Variants in OVCA2 observed in about 807,000 individuals in gnomAD.
OVCA2 encodes OVCA2 serine hydrolase domain containing, also known as esterase OVCA2.
A neutral mutation model predicts 10.1 loss-of-function variants in OVCA2; 14 were observed. That is an observed-to-expected ratio of 1.39 (90% CI 0.92 to 2.17). OVCA2 has a LOEUF of 2.17. OVCA2 is among the 30% of genes most tolerant of loss of function. OVCA2 has a pLI of 0.00. For synonymous variants in OVCA2, 201 were observed against 134.1 expected, an observed-to-expected ratio of 1.50 and a Z score of -3.45; for missense variants, 376 against 300.5, an observed-to-expected ratio of 1.25 and a Z score of -1.86.
At chr17:2,042,414 CCTTCACCGTCTT>C in intron 1 of OVCA2, 179 bp from the exon 2 acceptor site, 1 of 1,249,536 alleles carries the variant, frequency 8.0e-7, no homozygotes, top group East Asian at 2.9e-5. Flanking sequence ...CAGGCTTCCG[CCTTCACCGTCTT>C]CCTCCGCTGT....
chr17:2,042,194 C>G lies in OVCA2; in HGVS notation c.147C>G (p.Pro49=). The G allele has an allele frequency of 9.0e-6, 13 of 1,437,302 alleles. No homozygotes were observed. The highest frequency in any genetic ancestry group is 1.2e-5 in the Non-Finnish European group (13 of 1,102,536). 89.0% of individuals were successfully genotyped at this position (1,437,302 alleles called of 1,614,324 possible). A position where few individuals can be genotyped will look rare whatever the true frequency, so the allele number is the denominator to read the frequency against. The change falls in exon 1 of 2, where the codon CCC becomes CCG. Residue 49 remains proline (P), a synonymous_variant. Transcript: ENST00000572195. The part of the protein sequence containing the change: ...LVCLSGPHPV[P]DPPGPEGARS... ...GCCTCAGCGGCCCGCACCCGGTCCC[C>G]GACCCCCCGGGCCCCGAGGGCGCCA...
rs978591100 is a variant in OVCA2 at position 2,042,147 on chromosome 17, CG to C, written c.104del (p.Gly35ValfsTer72). The C allele has an allele frequency of 2.0e-6, 3 of 1,521,606 alleles. No individual in the cohort carries two copies. The highest frequency in any genetic ancestry group is 2.6e-6 in the Non-Finnish European group (3 of 1,144,692). The allele number at this position is 1,521,606 out of a possible 1,614,324, so 94.3% of individuals were successfully genotyped here. A position where few individuals can be genotyped will look rare whatever the true frequency, so the allele number is the denominator to read the frequency against. On this transcript the variant is annotated frameshift_variant, in exon 1 of 2. Transcript: ENST00000572195. LOFTEE classifies it high-confidence loss of function. ...EKTGALRKAL[R>X]GRAELVCLSG... Reference sequence around the variant, plus strand: ...GACCGGGGCGCTGAGGAAGGCGCTGCGGGGTCGCGCCGAGCTCGTGTGCCTC... The same window carrying C: ...GACCGGGGCGCTGAGGAAGGCGCTGCGGGTCGCGCCGAGCTCGTGTGCCTC...
At position 2,042,251 on chromosome 17, in the gene OVCA2, G is replaced by A; in HGVS notation, c.184+20G>A. The A allele has an allele frequency of 7.1e-7, 1 of 1,410,596 alleles. No homozygotes were observed. Among genetic ancestry groups the A allele is most frequent in the South Asian group, 1.5e-5 (1 of 66,356 alleles). The allele number at this position is 1,410,596 out of a possible 1,614,324, so 87.4% of individuals were successfully genotyped here. ...ACTTCGGTGAGACAAGCCCCGCTCC[G>A]GAAACGCACTCAGTTTCCTCCATCT... On this transcript the variant is annotated intron_variant, in intron 1 of 1. Coordinates refer to ENST00000572195, the MANE Select transcript of OVCA2 (RefSeq NM_080822.3).
intron 1 of OVCA2, 132 bp downstream of exon 1, chr17:2,042,363 G>A: frequency 1.5e-6 from 2 of 1,326,462 alleles, no homozygotes; most frequent in Non-Finnish European, 2.0e-6. Context: ...TTCATTTCTC[G>A]CGACCCATAC....
rs140891546 is a variant in OVCA2 at position 2,042,962 on chromosome 17, T to G, written c.542T>G (p.Val181Gly). Residue 181 changes from valine to glycine, a missense_variant, in exon 2 of 2, where the codon GTC becomes GGC. Coordinates refer to ENST00000572195, the MANE Select transcript of OVCA2 (RefSeq NM_080822.3). ...SLHVFGDTDK[V>G]IPSQESVQLA... ...CATGTTTTTGGGGACACTGACAAAG[T>G]CATCCCCTCTCAGGAGAGTGTGCAA... The G allele has an allele frequency of 3.4e-4, 554 of 1,614,042 alleles. 1 individual carries two copies. The highest frequency in any genetic ancestry group is 3.7e-4 in the Non-Finnish European group (431 of 1,180,042).
At chr17:2,042,268 C>T (rs760808865) in intron 1 of OVCA2, 37 bp downstream of exon 1, 27 of 1,404,744 alleles carry the variant, frequency 1.9e-5, no homozygotes, top group Middle Eastern at 3.7e-4. Flanking sequence ...CACTCAGTTT[C>T]CTCCATCTTG....
intron 1 of OVCA2, 69 bp from the exon 2 acceptor site, chr17:2,042,536 T>G: frequency 6.8e-7 from 1 of 1,479,676 alleles, no homozygotes; most frequent in Non-Finnish European, 9.0e-7. Flanking sequence ...CCTCCTGCCC[T>G]TTCTCATTTC....
chr17:2,043,152 G>A lies in OVCA2; in HGVS notation c.*48G>A, dbSNP rs369046809. ...CCTACATCCAGCTCCTCTAGGGGCA[G>A]CCTCCGTCATCCATGCCCTCCCAGG... is the stretch of plus-strand genomic sequence containing the variant. On this transcript the variant is annotated 3_prime_UTR_variant, in exon 2 of 2. Transcript: ENST00000572195. The A allele has an allele frequency of 1.9e-5, 30 of 1,580,202 alleles. No individual in the cohort carries two copies. Among genetic ancestry groups the A allele is most frequent in the Non-Finnish European group, 2.6e-5 (30 of 1,163,034 alleles).
chr17:2,042,109 G>T lies in OVCA2; in HGVS notation c.62G>T (p.Gly21Val), dbSNP rs764443632. The stretch of plus-strand genomic sequence containing the variant: ...GCGGGCTTCCGGCAGAGCGAGCGGG[G>T]CTTCCGTGAGAAGACCGGGGCGCTG... ...CLAGFRQSER[G>V]FREKTGALRK... The change falls in exon 1 of 2, where the codon GGC (glycine) becomes GTC (valine). Residue 21 changes from glycine to valine, a missense_variant. Coordinates refer to ENST00000572195, the MANE Select transcript of OVCA2 (RefSeq NM_080822.3). 3 of 1,568,708 alleles carry T rather than the reference G, an allele frequency of 1.9e-6. No individual in the cohort carries two copies. The highest frequency in any genetic ancestry group is 1.8e-5 in the Admixed American group (1 of 56,050).
chr17:2,042,230 C>G lies in OVCA2; in HGVS notation c.183C>G (p.Phe61Leu). The change falls in exon 1 of 2, where the codon TTC becomes TTG. Residue 61 changes from phenylalanine (F) to leucine (L), a missense_variant and splice_region_variant. Coordinates refer to ENST00000572195, the MANE Select transcript of OVCA2 (RefSeq NM_080822.3). ...PPGPEGARSD[F>L]GSCPPEEQPR... ...GCCCCGAGGGCGCCAGATCAGACTT[C>G]GGTGAGACAAGCCCCGCTCCGGAAA... The G allele has an allele frequency of 7.0e-7, 1 of 1,422,558 alleles. No individual in the cohort carries two copies. The highest frequency in any genetic ancestry group is 2.8e-5 in the East Asian group (1 of 36,334). The allele number at this position is 1,422,558 out of a possible 1,614,324, so 88.1% of individuals were successfully genotyped here. A position where few individuals can be genotyped will look rare whatever the true frequency, so the allele number is the denominator to read the frequency against.
Position 2,042,171 on chromosome 17 carries a change from C to G in OVCA2, c.124C>G (p.Leu42Val). ...GCGGGGTCGCGCCGAGCTCGTGTGC[C>G]TCAGCGGCCCGCACCCGGTCCCCGA... Reference protein sequence around the residue: ...ALRGRAELVCLSGPHPVPDPP... With the variant: ...ALRGRAELVCVSGPHPVPDPP... The change falls in exon 1 of 2, where the codon CTC becomes GTC. Residue 42 changes from leucine (L) to valine (V), a missense_variant. Leu to Val is a conservative substitution (Grantham distance 32). Coordinates refer to ENST00000572195, the MANE Select transcript of OVCA2 (RefSeq NM_080822.3). 1 of 1,462,574 alleles carries G rather than the reference C, an allele frequency of 6.8e-7. No homozygotes were observed. The highest frequency in any genetic ancestry group is 9.0e-7 in the Non-Finnish European group (1 of 1,114,812). 90.6% of individuals were successfully genotyped at this position (1,462,574 alleles called of 1,614,324 possible).
Position 2,042,154 on chromosome 17 carries a change from G to A in OVCA2, c.107G>A (p.Arg36His), listed in dbSNP as rs2067545897. The A allele has an allele frequency of 2.0e-6, 3 of 1,507,698 alleles. No homozygotes were observed. The highest frequency in any genetic ancestry group is 2.6e-5 in the East Asian group (1 of 38,732). The allele number at this position is 1,507,698 out of a possible 1,614,324, so 93.4% of individuals were successfully genotyped here. A position where few individuals can be genotyped will look rare whatever the true frequency, so the allele number is the denominator to read the frequency against. The change falls in exon 1 of 2, where the codon CGC becomes CAC. Residue 36 changes from arginine (R) to histidine (H), a missense_variant. Arg to His is a conservative substitution (Grantham distance 29). Transcript: ENST00000572195. ...GCGCTGAGGAAGGCGCTGCGGGGTC[G>A]CGCCGAGCTCGTGTGCCTCAGCGGC... ...TGALRKALRG[R>H]AELVCLSGPH... is the part of the protein sequence containing the mutation.
rs777925571 is a variant in OVCA2 at position 2,042,206 on chromosome 17, C to T, written c.159C>T (p.Gly53=). 22 of 1,433,004 alleles carry T rather than the reference C, an allele frequency of 1.5e-5. No individual in the cohort carries two copies. Among genetic ancestry groups the T allele is most frequent in the Middle Eastern group, 3.7e-4 (2 of 5,478 alleles). The allele number at this position is 1,433,004 out of a possible 1,614,324, so 88.8% of individuals were successfully genotyped here. The change falls in exon 1 of 2, where the codon GGC becomes GGT. Residue 53 remains glycine (G), a synonymous_variant. Coordinates refer to ENST00000572195, the MANE Select transcript of OVCA2 (RefSeq NM_080822.3). The part of the protein sequence containing the change: ...SGPHPVPDPP[G]PEGARSDFGS... ...CGCACCCGGTCCCCGACCCCCCGGG[C>T]CCCGAGGGCGCCAGATCAGACTTCG...
In OVCA2 at chr17:2,042,617, C is replaced by CG. The variant is rs781297176; in HGVS notation, c.199dup (p.Glu67GlyfsTer47). ...CATATCGCTGTAGGGTCCTGCCCTC[C>CG]GGAGGAGCAGCCTCGAGGCTGGTGG... On this transcript the variant is annotated frameshift_variant, in exon 2 of 2. Coordinates refer to ENST00000572195, the MANE Select transcript of OVCA2 (RefSeq NM_080822.3). LOFTEE classifies it high-confidence loss of function. 44 of 1,519,530 alleles carry CG rather than the reference C, an allele frequency of 2.9e-5. No homozygotes were observed. The highest frequency in any genetic ancestry group is 3.5e-5 in the Non-Finnish European group (40 of 1,136,966). The allele number at this position is 1,519,530 out of a possible 1,614,324, so 94.1% of individuals were successfully genotyped here.
chr17:2,042,514 G>A, intron 1 of OVCA2, 91 bp from the exon 2 acceptor site: 1 of 1,441,572 alleles, frequency 6.9e-7, no homozygotes, highest in South Asian at 1.7e-5. Context: ...TTTTCTCTCT[G>A]TCATCTCGAA....
In OVCA2 at chr17:2,043,114, AAAT is replaced by A. The variant is rs765286723; in HGVS notation, c.*11_*13del. 1 of 1,610,858 alleles carries A rather than the reference AAAT, an allele frequency of 6.2e-7. No individual in the cohort carries two copies. Among genetic ancestry groups the A allele is most frequent in the East Asian group, 2.2e-5 (1 of 44,820 alleles). ...CCAGTTTGCAGAGTGAAAGATCAAG[AAAT>A]GTCTCTGCTCCTACATCCAGCTCCT... On this transcript the variant is annotated 3_prime_UTR_variant, in exon 2 of 2. Transcript: ENST00000572195.
At chr17:2,042,389 T>C (rs944803407) in intron 1 of OVCA2, 158 bp downstream of exon 1, 2 of 1,283,844 alleles carry the variant, frequency 1.6e-6, no homozygotes, top group Non-Finnish European at 2.0e-6. Context: ...TTGCTCAAAC[T>C]GCAGCCTGTC....
rs773480595 is a variant in OVCA2, at chr17:2,043,059, C to G, written c.639C>G (p.Pro213=). ...GCCACTTCATTCCAGCAGCTGCACC[C>G]CAGCGTCAGGCCTACCTCAAGTTCT... ...SGGHFIPAAA[P]QRQAYLKFLD... Residue 213 remains proline, a synonymous_variant, in exon 2 of 2, where the codon CCC becomes CCG. Coordinates refer to ENST00000572195, the MANE Select transcript of OVCA2 (RefSeq NM_080822.3). 5.0e-6 allele frequency: 8 copies of G among 1,613,878 alleles called. No individual in the cohort carries two copies. The highest frequency in any genetic ancestry group is 2.2e-5 in the East Asian group (1 of 44,894).
At position 2,043,252 on chromosome 17, in the gene OVCA2, T is replaced by G; in HGVS notation, c.*148T>G. The G allele has an allele frequency of 3.1e-6, 3 of 979,180 alleles. No individual in the cohort carries two copies. The highest frequency in any genetic ancestry group is 4.5e-6 in the Non-Finnish European group (3 of 670,326). The allele number at this position is 979,180 out of a possible 1,614,324, so 60.7% of individuals were successfully genotyped here. A position where few individuals can be genotyped will look rare whatever the true frequency, so the allele number is the denominator to read the frequency against. ...CAACTATCAATTCTTGAGACCCAAA[T>G]TATAAGGGCCCTGCCCTGTACTGAA... is the stretch of plus-strand genomic sequence containing the variant. On this transcript the variant is annotated 3_prime_UTR_variant, in exon 2 of 2. Transcript: ENST00000572195.
Sources: gnomAD v4.1 joint callset for allele counts on GRCh38, gnomAD v4.1.1 for gene constraint, MANE v1.5 for transcripts, NCBI Gene and HGNC (gene_info 2026-07-23, HGNC 2026-07-21) for gene names.